SHB: variants seen among roughly 807,000 people sequenced by gnomAD.
SHB encodes SH2 domain-containing adapter protein B.
In SHB, 20 loss-of-function variants were observed where a neutral mutation model predicts 52.3. That is an observed-to-expected ratio of 0.38 (90% CI 0.27 to 0.56). The LOEUF is 0.56. Ranked by LOEUF, SHB falls within the 20% of genes least tolerant of loss-of-function variation. SHB has a pLI of 0.71. For synonymous variants in SHB, 397 were observed against 316.5 expected (o/e 1.25, Z -2.70); for missense variants, 825 against 723.3 (o/e 1.14, Z -1.61).
Position 38,054,152 on chromosome 9 carries a change from G to A in SHB, c.717+13777C>T, listed in dbSNP as rs138633286. On this transcript the variant is annotated intron_variant, in intron 1 of 5. Coordinates refer to ENST00000377707, the MANE Select transcript of SHB (RefSeq NM_003028.3). ...GCTAGGATTTGAGCTCTGGACTTCC[G>A]ACCCTAAAGCCAGTGAGTGTTTCAT... Among the ~76,000 whole-genome samples the A allele has an allele frequency of 8.5e-5, 13 of 152,244 alleles. No individual in the cohort carries two copies. The East Asian group carries it at 2.1e-3, about 25-fold the overall frequency.
At chr9:38,051,531 C>A (rs540187594) in intron 1 of SHB, among the ~76,000 whole-genome samples, 26 of 151,808 alleles carry the variant, frequency 1.7e-4, no homozygotes, top group African/African-American at 5.8e-4. Context: ...AGTGTCTGCA[C>A]TTTGACAACC....
At chr9:38,028,444 G>GAAAC (rs1473959985) in intron 1 of SHB, among the ~76,000 whole-genome samples, 1 of 152,186 alleles carries the variant, frequency 6.6e-6, no homozygotes, top group African/African-American at 2.4e-5. Flanking sequence ...CAGCTGGGGT[G>GAAAC]CTGGAAACCC....
At chr9:37,946,482 C>T (rs573297036) in intron 5 of SHB, among the ~76,000 whole-genome samples, 1 of 152,298 alleles carries the variant, frequency 6.6e-6, no homozygotes, top group East Asian at 1.9e-4. Flanking sequence ...TTGTGTGCTC[C>T]CTGGTTGGGA....
intron 3 of SHB, among the ~76,000 whole-genome samples, chr9:37,971,055 CAAAG>C: frequency 6.6e-6 from 1 of 152,224 alleles, no homozygotes; most frequent in Non-Finnish European, 1.5e-5. Context: ...CCTCAGGCTC[CAAAG>C]ACTCAGTGCA....
At chr9:37,944,029 C>T (rs532619576) in intron 5 of SHB, among the ~76,000 whole-genome samples, 4 of 152,342 alleles carry the variant, frequency 2.6e-5, no homozygotes, top group Admixed American at 2.6e-4. Context: ...ACCCTTTGCT[C>T]CCTGAGGCTG....
chr9:37,916,142 A>T lies in SHB; in HGVS notation c.*3679T>A, dbSNP rs1832095269. ...GAACAAGTCCCCGTGGGGTTCTGGG[A>T]GGTGCGCCCACATCTAAGACTGTGC... On this transcript the variant is annotated 3_prime_UTR_variant, in exon 6 of 6. Transcript: ENST00000377707. 6.6e-6 allele frequency among the ~76,000 whole-genome samples: 1 copy of T among 152,204 alleles called. No homozygotes were observed. Among genetic ancestry groups the T allele is most frequent in the African/African-American group, 2.4e-5 (1 of 41,450 alleles).
At chr9:37,968,834 G>A (rs1212752988) in intron 3 of SHB, among the ~76,000 whole-genome samples, 2 of 152,232 alleles carry the variant, frequency 1.3e-5, no homozygotes, top group Non-Finnish European at 2.9e-5. Flanking sequence ...GAGGTCTCCA[G>A]CTGTTCCCTT....
intron 1 of SHB, among the ~76,000 whole-genome samples, chr9:38,041,501 G>A (rs753960755): frequency 6.6e-6 from 1 of 152,176 alleles, no homozygotes; most frequent in Non-Finnish European, 1.5e-5. Context: ...GGCTGGATGG[G>A]TGATGGGAAG....
chr9:38,067,948 C>A lies in SHB; in HGVS notation c.698G>T (p.Gly233Val). Residue 233 changes from glycine (G) to valine (V), a missense_variant, in exon 1 of 6, where the codon GGG becomes GTG. Gly to Val is a moderately radical substitution (Grantham distance 109). Transcript: ENST00000377707. ...KCAASAAEES[G>V]AGKKDKVTIA... ...CCTTACCTTGTCCTTCTTGCCGGCC[C>A]CGCTCTCCTCCGCGGCTGAGGCGGC... 1.3e-6 allele frequency: 2 copies of A among 1,543,640 alleles called. No individual in the cohort carries two copies. The highest frequency in any genetic ancestry group is 5.1e-5 in the East Asian group (2 of 39,456).
chr9:37,996,790 C>T lies in SHB; in HGVS notation c.838+19221G>A, dbSNP rs115139885. On this transcript the variant is annotated intron_variant, in intron 2 of 5. Transcript: ENST00000377707. ...GGAGAAGAATTCTGTCCCTTTGGTA[C>T]CCCAATGTAGCACTAATTATCTGTC... 4.8e-3 allele frequency among the ~76,000 whole-genome samples: 735 copies of T among 152,342 alleles called. 9 individuals are homozygous for T. Among genetic ancestry groups the T allele is most frequent in the African/African-American group, 0.017 (711 of 41,554 alleles).
intron 1 of SHB, among the ~76,000 whole-genome samples, chr9:38,056,749 C>T (rs1821826525): frequency 6.6e-6 from 1 of 152,188 alleles, no homozygotes; most frequent in Non-Finnish European, 1.5e-5. Flanking sequence ...AGGCAAATTA[C>T]AAACTTTAAA....
At chr9:38,015,408 T>C (rs1425452944) in intron 2 of SHB, 2 of 703,148 alleles carry the variant, frequency 2.8e-6, no homozygotes, top group South Asian at 3.0e-5. Context: ...CACAATTGCT[T>C]TGACAAGGTT....
chr9:37,933,947 G>C (rs1013138308), intron 5 of SHB, among the ~76,000 whole-genome samples: 1 of 152,244 alleles, frequency 6.6e-6, no homozygotes, highest in African/African-American at 2.4e-5. Context: ...CTCTTTTCCA[G>C]CTGTGCCCCT....
chr9:38,018,453 C>T (rs1821244139), intron 1 of SHB, among the ~76,000 whole-genome samples: 1 of 151,218 alleles, frequency 6.6e-6, no homozygotes, highest in Non-Finnish European at 1.5e-5. Context: ...CCCCTGGTCT[C>T]TGCTGACATA....
At position 37,974,776 on chromosome 9, in the gene SHB, A is replaced by T; in HGVS notation, c.900T>A (p.Pro300=). 6.2e-7 allele frequency: 1 copy of T among 1,614,156 alleles called. No individual in the cohort carries two copies. Among genetic ancestry groups the T allele is most frequent in the African/African-American group, 1.3e-5 (1 of 75,050 alleles). Residue 300 remains proline (P), a synonymous_variant, in exon 3 of 6, where the codon CCT becomes CCA. Coordinates refer to ENST00000377707, the MANE Select transcript of SHB (RefSeq NM_003028.3). ...QHKGIQLYDT[P]YEPEGQSVDS... The stretch of plus-strand genomic sequence containing the variant: ...CAACACTTTGGCCTTCAGGTTCGTA[A>T]GGGGTGTCATATAACTGGATACCTT...
At position 37,985,715 on chromosome 9, in the gene SHB, C is replaced by CCTA. The variant is rs144067928; in HGVS notation, c.839-10881_839-10879dup. On this transcript the variant is annotated intron_variant, in intron 2 of 5. Transcript: ENST00000377707. Reference sequence around the variant, plus strand: ...TTCTTCCTCGAATACCCACTGAACCCCTACTATGTGCCACATTAGACCTGA... The same window carrying CCTA: ...TTCTTCCTCGAATACCCACTGAACCCCTACTACTATGTGCCACATTAGACCTGA... Among the ~76,000 whole-genome samples the CCTA allele has an allele frequency of 3.5e-3, 540 of 152,368 alleles. 6 individuals are homozygous for CCTA. Among genetic ancestry groups the CCTA allele is most frequent in the African/African-American group, 0.012 (515 of 41,582 alleles).
intron 2 of SHB, among the ~76,000 whole-genome samples, chr9:38,000,038 G>C (rs1820992809): frequency 6.6e-6 from 1 of 152,256 alleles, no homozygotes; most frequent in African/African-American, 2.4e-5. Flanking sequence ...CCACACCTGA[G>C]TGGGTGGTTT....
chr9:38,047,660 G>T (rs1264376735), intron 1 of SHB, among the ~76,000 whole-genome samples: 1 of 152,252 alleles, frequency 6.6e-6, no homozygotes, highest in African/African-American at 2.4e-5. Context: ...GCTTTTGGAG[G>T]ATGTGAGACA....
At chr9:37,921,647 G>A (rs1832181765) in intron 5 of SHB, among the ~76,000 whole-genome samples, 1 of 152,200 alleles carries the variant, frequency 6.6e-6, no homozygotes, top group African/African-American at 2.4e-5. Context: ...AGAGCCTGTG[G>A]CAAGTTCTGC....
Sources: gnomAD v4.1 joint callset for allele counts (sites outside exome capture counted in the v4.1 genomes callset) on GRCh38, gnomAD v4.1.1 for gene constraint, MANE v1.5 for transcripts, NCBI Gene and HGNC (gene_info 2026-07-23, HGNC 2026-07-21) for gene names.